Variants in ATP2B2 observed in about 807,000 individuals in gnomAD.
ATP2B2 encodes the protein ATPase plasma membrane Ca2+ transporting 2.
A neutral mutation model predicts 120.0 loss-of-function variants in ATP2B2; 15 were observed. The observed-to-expected ratio is 0.12, with a 90% CI of 0.08 to 0.19. The LOEUF (loss-of-function observed/expected upper bound fraction) is 0.19, where lower values mean the gene tolerates loss of function less well. Ranked by LOEUF, ATP2B2 falls within the 10% of genes least tolerant of loss-of-function variation. ATP2B2 has a pLI of 1.00. For synonymous variants in ATP2B2, 694 were observed against 700.3 expected (o/e 0.99, Z 0.14); for missense variants, 1,045 against 1,719.8 (o/e 0.61, Z 6.94).
chr3:10,653,226 T>C (rs965424520), intron 1 of ATP2B2, among the ~76,000 whole-genome samples: 3 of 152,196 alleles, frequency 2.0e-5, no homozygotes, highest in Non-Finnish European at 4.4e-5. Context: ...AGGTGTGGCA[T>C]GCTCACCAGG....
At chr3:10,348,401 G>T (rs2060486225) in intron 16 of ATP2B2, among the ~76,000 whole-genome samples, 1 of 152,170 alleles carries the variant, frequency 6.6e-6, no homozygotes, top group Non-Finnish European at 1.5e-5. Flanking sequence ...CTAAAATGAT[G>T]CTTCTACCCT....
Position 10,449,810 on chromosome 3 carries a change from G to A in ATP2B2, c.-267C>T, listed in dbSNP as rs1321548252. 11 of 529,802 alleles carry A rather than the reference G, an allele frequency of 2.1e-5. No homozygotes were observed. Among genetic ancestry groups the A allele is most frequent in the African/African-American group, 5.7e-5 (3 of 52,206 alleles). The allele number at this position is 529,802 out of a possible 1,614,324, so 32.8% of individuals were successfully genotyped here. A position where few individuals can be genotyped will look rare whatever the true frequency, so the allele number is the denominator to read the frequency against. On this transcript the variant is annotated 5_prime_UTR_variant, in exon 2 of 23. Transcript: ENST00000360273. ...TAGACCCAGGAGTCTCCATTCAGTG[G>A]GGCCCATGCTGCTCCCTGGAACTGG...
chr3:10,593,776 C>A (rs1292420258), intron 2 of ATP2B2, among the ~76,000 whole-genome samples: 2 of 151,970 alleles, frequency 1.3e-5, no homozygotes, highest in Non-Finnish European at 2.9e-5. Context: ...AGTGAACAGG[C>A]AACCTACAGA....
chr3:10,393,645 G>A (rs1251507369), intron 5 of ATP2B2, among the ~76,000 whole-genome samples: 1 of 152,212 alleles, frequency 6.6e-6, no homozygotes, highest in Non-Finnish European at 1.5e-5. Flanking sequence ...AGGGGGGCCA[G>A]AGCGTGGTGG....
chr3:10,607,439 C>T (rs2125602210), intron 2 of ATP2B2, among the ~76,000 whole-genome samples: 1 of 152,282 alleles, frequency 6.6e-6, no homozygotes, highest in Admixed American at 6.5e-5. Flanking sequence ...AGGCAGAGTC[C>T]CTGGACTCCC....
chr3:10,413,205 A>G (rs2062671097), intron 2 of ATP2B2, among the ~76,000 whole-genome samples: 1 of 152,176 alleles, frequency 6.6e-6, no homozygotes, highest in African/African-American at 2.4e-5. Flanking sequence ...CGTGGATGTC[A>G]GAGCTCAGTG....
At chr3:10,411,497 C>T (rs1042712323) in intron 2 of ATP2B2, among the ~76,000 whole-genome samples, 2 of 152,220 alleles carry the variant, frequency 1.3e-5, no homozygotes, top group Non-Finnish European at 2.9e-5. Context: ...TGTCGAATGC[C>T]GCGCAGTGGT....
intron 22 of ATP2B2, chr3:10,330,227 C>G (rs1266286957): frequency 6.5e-6 from 1 of 154,730 alleles, no homozygotes; most frequent in Non-Finnish European, 1.5e-5. Flanking sequence ...TGGGAGGAGG[C>G]TGGTCATTGA....
chr3:10,500,191 G>A (rs545794171), intron 1 of ATP2B2, among the ~76,000 whole-genome samples: 12 of 151,582 alleles, frequency 7.9e-5, no homozygotes, highest in African/African-American at 2.9e-4. Context: ...ACCTGTCTTG[G>A]CGTCCCAAAG....
chr3:10,456,698 T>C (rs1270989599), intron 1 of ATP2B2, among the ~76,000 whole-genome samples: 1 of 152,266 alleles, frequency 6.6e-6, no homozygotes, highest in East Asian at 1.9e-4. Flanking sequence ...AGGCTCCTTG[T>C]CACCTCTCAG....
chr3:10,664,502 G>A (rs541799499), intron 1 of ATP2B2, among the ~76,000 whole-genome samples: 2 of 152,244 alleles, frequency 1.3e-5, no homozygotes, highest in Admixed American at 6.5e-5. Flanking sequence ...TGTGTCACTC[G>A]AAGGCACCTC....
chr3:10,348,501 C>T (rs2060489893), intron 16 of ATP2B2, among the ~76,000 whole-genome samples: 1 of 152,218 alleles, frequency 6.6e-6, no homozygotes, highest in Non-Finnish European at 1.5e-5. Context: ...GCAGGATCTG[C>T]TGCCCTCCCA....
intron 1 of ATP2B2, among the ~76,000 whole-genome samples, chr3:10,462,788 A>G (rs1019668311): frequency 6.6e-6 from 1 of 152,070 alleles, no homozygotes; most frequent in Non-Finnish European, 1.5e-5. Context: ...ACCAGTGCCT[A>G]TTTAAGAAAA....
intron 2 of ATP2B2, among the ~76,000 whole-genome samples, chr3:10,577,710 G>A (rs2068286460): frequency 1.3e-5 from 2 of 152,204 alleles, no homozygotes; most frequent in Admixed American, 6.5e-5. Context: ...AATCTTTCTT[G>A]GCAAGCTCAT....
chr3:10,701,516 C>T (rs1015694241), intron 1 of ATP2B2, among the ~76,000 whole-genome samples: 1 of 152,112 alleles, frequency 6.6e-6, no homozygotes, highest in African/African-American at 2.4e-5. Context: ...TTGTACCCAT[C>T]GTTGTTGTTG....
At position 10,342,848 on chromosome 3, in the gene ATP2B2, C is replaced by T; in HGVS notation, c.2821G>A (p.Gly941Ser). 5 of 1,613,962 alleles carry T rather than the reference C, an allele frequency of 3.1e-6. No homozygotes were observed. Among genetic ancestry groups the T allele is most frequent in the Admixed American group, 1.7e-5 (1 of 60,004 alleles). The change falls in exon 19 of 23, where the codon GGC becomes AGC. Residue 941 changes from glycine (G) to serine (S), a missense_variant. Transcript: ENST00000360273. This position sits in a 1 kb window ranked among gnomAD's most constrained non-coding sequence, Gnocchi z 4.4. ...CTGGAGATGAGCGGCTTGTTGCGGCCGTACGGCTTCCTCAGCAGCAGGGTC... is the reference window on the plus strand; with the variant it reads ...CTGGAGATGAGCGGCTTGTTGCGGCTGTACGGCTTCCTCAGCAGCAGGGTC... The part of the protein sequence containing the change: ...TETLLLRKPY[G>S]RNKPLISRTM...
intron 1 of ATP2B2, among the ~76,000 whole-genome samples, chr3:10,488,479 C>G (rs1053207340): frequency 1.0e-5 from 1 of 98,108 alleles, no homozygotes; most frequent in African/African-American, 4.2e-5. Context: ...TCCTTCCTTC[C>G]TTCCTTCCTT....
intron 1 of ATP2B2, among the ~76,000 whole-genome samples, chr3:10,482,561 C>A (rs944013703): frequency 1.3e-5 from 2 of 152,186 alleles, no homozygotes; most frequent in Admixed American, 1.3e-4. Flanking sequence ...TAGGGTCAAG[C>A]TGCCCCAAGG....
chr3:10,361,024 C>T (rs537072959), intron 12 of ATP2B2, among the ~76,000 whole-genome samples: 4 of 152,246 alleles, frequency 2.6e-5, no homozygotes, highest in Non-Finnish European at 2.9e-5. Flanking sequence ...CTGTAACTTT[C>T]GGAGCTTGGC....
Sources: gnomAD v4.1 joint callset for allele counts (sites outside exome capture counted in the v4.1 genomes callset) on GRCh38, gnomAD v4.1.1 for gene constraint, Gnocchi (gnomAD v3.1) non-coding constraint, MANE v1.5 for transcripts, NCBI Gene and HGNC (gene_info 2026-07-23, HGNC 2026-07-21) for gene names.